Variants in GREB1L observed in about 807,000 individuals in gnomAD.
The protein encoded by GREB1L is GREB1-like protein.
A neutral mutation model predicts 200.8 loss-of-function variants in GREB1L; 17 were observed. That is an observed-to-expected ratio of 0.08 (90% CI 0.06 to 0.13). The LOEUF (loss-of-function observed/expected upper bound fraction) is 0.13, where lower values mean the gene tolerates loss of function less well. GREB1L is among the 10% of genes least tolerant of loss of function. The probability of loss-of-function intolerance (pLI) is 1.00; values close to 1 mark genes in which losing one functional copy is unlikely to be tolerated. For missense variants in GREB1L, 1,657 were observed against 2,367.7 expected (o/e 0.70, Z 6.23); for synonymous variants, 789 against 893.0 (o/e 0.88, Z 2.08).
chr18:21,288,801 G>A (rs919644763), intron 1 of GREB1L, among the ~76,000 whole-genome samples: 4 of 151,724 alleles, frequency 2.6e-5, no homozygotes, highest in Non-Finnish European at 5.9e-5. Context: ...GCAATGGTGC[G>A]ATTTCGGTGC....
At position 21,325,884 on chromosome 18, in the gene GREB1L, T is replaced by TTCTCTTTATAA. The variant is rs1189146348; in HGVS notation, c.-119-40137_-119-40127dup. ...TACGGGGTTCACATGCGCAAAAACATTCTCTTTATAATCTCTATGACAAAT... is the reference window on the plus strand; with the variant it reads ...TACGGGGTTCACATGCGCAAAAACATTCTCTTTATAATCTCTTTATAATCTCTATGACAAAT... On this transcript the variant is annotated intron_variant, in intron 1 of 32. Coordinates refer to ENST00000424526, the MANE Select transcript of GREB1L (RefSeq NM_001142966.3). 2.1e-5 allele frequency among the ~76,000 whole-genome samples: 3 copies of TTCTCTTTATAA among 143,944 alleles called. No individual in the cohort carries two copies. In the Admixed American group the frequency reaches 2.1e-4, roughly 10 times the overall value. 94.4% of individuals were successfully genotyped at this position (143,944 alleles called of 152,430 possible).
chr18:21,358,076 T>C (rs1236095507), intron 1 of GREB1L, among the ~76,000 whole-genome samples: 2 of 152,202 alleles, frequency 1.3e-5, no homozygotes, highest in Admixed American at 6.5e-5. Flanking sequence ...ACAATATTCA[T>C]TTTTTAAATC....
intron 6 of GREB1L, chr18:21,402,029 C>T (rs970486328): frequency 2.0e-5 from 3 of 152,150 alleles, no homozygotes; most frequent in African/African-American, 7.2e-5. Flanking sequence ...TTCCAAATTA[C>T]AACTGCAGAT....
At chr18:21,456,207 G>A (rs1458673531) in intron 15 of GREB1L, among the ~76,000 whole-genome samples, 3 of 152,050 alleles carry the variant, frequency 2.0e-5, no homozygotes, top group South Asian at 2.1e-4. Flanking sequence ...TACCCAGCCC[G>A]GATTCTGCAT....
intron 7 of GREB1L, among the ~76,000 whole-genome samples, chr18:21,438,962 A>C (rs1461667877): frequency 7.6e-6 from 1 of 131,510 alleles, no homozygotes; most frequent in African/African-American, 3.6e-5. Flanking sequence ...CTCTGTCTCA[A>C]AAAAAAAAAA....
chr18:21,324,250 T>C (rs914174441), intron 1 of GREB1L, among the ~76,000 whole-genome samples: 1 of 152,182 alleles, frequency 6.6e-6, no homozygotes, highest in Non-Finnish European at 1.5e-5. Context: ...ACTTACCGAA[T>C]CTAACTGAAG....
At chr18:21,498,329 C>A (rs1314217703) in intron 21 of GREB1L, among the ~76,000 whole-genome samples, 1 of 152,124 alleles carries the variant, frequency 6.6e-6, no homozygotes, top group African/African-American at 2.4e-5. Flanking sequence ...GCTGGAGCTG[C>A]CCTGCTCCCC....
At chr18:21,267,878 T>C (rs1282521843) in intron 1 of GREB1L, among the ~76,000 whole-genome samples, 2 of 150,206 alleles carry the variant, frequency 1.3e-5, no homozygotes, top group African/African-American at 2.5e-5. Flanking sequence ...CCAGAGAGCC[T>C]AATAGCTAAA....
chr18:21,500,128 G>C lies in GREB1L; in HGVS notation c.3791G>C (p.Trp1264Ser). Residue 1264 changes from tryptophan (W) to serine (S), a missense_variant, in exon 22 of 33, where the codon TGG becomes TCG. This residue lies in a region of GREB1L where 512 missense variants were observed against 668.3 expected (regional missense o/e 0.77). Transcript: ENST00000424526. ...CTGCTGCCCCACGCCGACGTGGCCT[G>C]GGTGAGCTCCCTGCGGCCACTCCTG... ...SSLLPHADVA[W>S]VSSLRPLLNK... is the part of the protein sequence containing the mutation. 1.3e-6 allele frequency: 2 copies of C among 1,551,618 alleles called. No homozygotes were observed. Among genetic ancestry groups the C allele is most frequent in the South Asian group, 1.2e-5 (1 of 84,056 alleles).
rs145053385 is a variant in GREB1L at position 21,270,552 on chromosome 18, C to A, written c.-120+28159C>A. ...GAGTTCATAGGGATAGGAGAGGGCA[C>A]ACACCCACTCTTCGAGTGTCCTCTC... On this transcript the variant is annotated intron_variant, in intron 1 of 32. Transcript: ENST00000424526. Among the ~76,000 whole-genome samples, 4 of 152,326 alleles carry A rather than the reference C, an allele frequency of 2.6e-5. No individual in the cohort carries two copies. The East Asian group carries it at 7.7e-4, about 29-fold the overall frequency.
intron 1 of GREB1L, among the ~76,000 whole-genome samples, chr18:21,347,622 A>C (rs1319475832): frequency 6.6e-6 from 1 of 150,688 alleles, no homozygotes; most frequent in Non-Finnish European, 1.5e-5. Context: ...TGCCTGGTTA[A>C]TTTTTTGTAT....
At chr18:21,446,922 A>C (rs2034255502) in intron 11 of GREB1L, among the ~76,000 whole-genome samples, 1 of 152,232 alleles carries the variant, frequency 6.6e-6, no homozygotes, top group Non-Finnish European at 1.5e-5. Context: ...GTAGATAATG[A>C]AATCAGCAAA....
At chr18:21,430,261 T>A (rs2033033494) in intron 7 of GREB1L, among the ~76,000 whole-genome samples, 1 of 152,154 alleles carries the variant, frequency 6.6e-6, no homozygotes, top group South Asian at 2.1e-4. Context: ...TTCATAGCAT[T>A]TGTTTATAAT....
intron 1 of GREB1L, among the ~76,000 whole-genome samples, chr18:21,267,898 A>G (rs1305967344): frequency 6.6e-6 from 1 of 151,748 alleles, no homozygotes; most frequent in Non-Finnish European, 1.5e-5. Flanking sequence ...AAAATTTAAC[A>G]TGGAAATCAG....
chr18:21,437,916 A>G (rs1233656213), intron 7 of GREB1L, among the ~76,000 whole-genome samples: 1 of 152,250 alleles, frequency 6.6e-6, no homozygotes, highest in Non-Finnish European at 1.5e-5. Context: ...ATATTAAGAA[A>G]TTATTGGCTA....
chr18:21,467,251 C>G (rs575743892), intron 15 of GREB1L, among the ~76,000 whole-genome samples: 48 of 152,174 alleles, frequency 3.2e-4, no homozygotes, highest in African/African-American at 1.0e-3. Flanking sequence ...CTGGACAATC[C>G]TCAAAATTCT....
At position 21,524,033 on chromosome 18, in the gene GREB1L, A is replaced by G. The variant is rs544606915; in HGVS notation, c.*1212A>G. The G allele has an allele frequency of 6.6e-6, 1 of 152,338 alleles. No individual in the cohort carries two copies. The highest frequency in any genetic ancestry group is 2.1e-4 in the South Asian group (1 of 4,822). The allele number at this position is 152,338 out of a possible 1,614,324, so 9.4% of individuals were successfully genotyped here. ...AAACATTATTTTTAGAAAGTGTTCT[A>G]GATAAAACTAAGTCTTAGAAGTTTA... On this transcript the variant is annotated 3_prime_UTR_variant, in exon 33 of 33. Coordinates refer to ENST00000424526, the MANE Select transcript of GREB1L (RefSeq NM_001142966.3).
intron 1 of GREB1L, among the ~76,000 whole-genome samples, chr18:21,251,706 G>T (rs1405423175): frequency 6.6e-6 from 1 of 152,172 alleles, no homozygotes; most frequent in Admixed American, 6.5e-5. Flanking sequence ...CAGCACTTTG[G>T]AAGGCCAAGG....
At chr18:21,498,543 T>C (rs2036645749) in intron 21 of GREB1L, among the ~76,000 whole-genome samples, 1 of 152,190 alleles carries the variant, frequency 6.6e-6, no homozygotes, top group Non-Finnish European at 1.5e-5. Flanking sequence ...CAGCCTGTCT[T>C]CCTTCCTGTG....
Sources: allele counts gnomAD v4.1 joint callset (sites outside exome capture counted in the v4.1 genomes callset), GRCh38; gene constraint gnomAD v4.1.1; regional missense constraint gnomAD v4.1.1; transcripts MANE v1.5; gene names NCBI Gene and HGNC (gene_info 2026-07-23, HGNC 2026-07-21).